PTPRU: variants seen among roughly 807,000 people sequenced by gnomAD.
The protein encoded by PTPRU is protein tyrosine phosphatase receptor type U, also known as receptor-type tyrosine-protein phosphatase U.
Under a neutral mutation model 166.3 loss-of-function variants are expected in PTPRU, and 69 were observed. The observed-to-expected ratio is 0.41, with a 90% CI of 0.34 to 0.51. The LOEUF is 0.51. PTPRU is among the 20% of genes least tolerant of loss of function. The probability of loss-of-function intolerance (pLI) is 0.09; values close to 1 mark genes in which losing one functional copy is unlikely to be tolerated. For synonymous variants in PTPRU, 793 were observed against 814.0 expected (o/e 0.97, Z 0.44); for missense variants, 1,657 against 2,013.7 (o/e 0.82, Z 3.39).
chr1:29,322,045 T>C (rs1688183892), intron 26 of PTPRU, among the ~76,000 whole-genome samples: 1 of 152,266 alleles, frequency 6.6e-6, no homozygotes, highest in African/African-American at 2.4e-5. Context: ...AACAGCTTCT[T>C]AATGGCCTCC....
At chr1:29,244,792 G>C (rs1243350494) in intron 1 of PTPRU, among the ~76,000 whole-genome samples, 2 of 152,188 alleles carry the variant, frequency 1.3e-5, no homozygotes, top group Non-Finnish European at 2.9e-5. Flanking sequence ...ATGTTTTATG[G>C]TTATGATTAT....
intron 13 of PTPRU, 108 bp from the exon 14 acceptor site, chr1:29,284,623 A>G (rs2151954765): frequency 6.8e-7 from 1 of 1,470,270 alleles, no homozygotes; most frequent in Non-Finnish European, 9.5e-7. Flanking sequence ...TTGAGGATGT[A>G]GGGCGGTTTG....
chr1:29,237,602 AGTT>A lies in PTPRU; in HGVS notation c.73+888_73+890del, dbSNP rs1363947749. ...GTGTGTGGCGCGCTGGGCCGGAACA[AGTT>A]GTCGCGGCGGCGCCCCCTGGGCTGC... On this transcript the variant is annotated intron_variant, in intron 1 of 29. Coordinates refer to ENST00000373779, the MANE Select transcript of PTPRU (RefSeq NM_133178.4). The surrounding 1 kb of genome is among the most constrained non-coding windows in gnomAD (Gnocchi z 6.4). Among the ~76,000 whole-genome samples, 2 of 151,032 alleles carry A rather than the reference AGTT, an allele frequency of 1.3e-5. No homozygotes were observed. Among genetic ancestry groups the A allele is most frequent in the Non-Finnish European group, 3.0e-5 (2 of 67,710 alleles).
intron 12 of PTPRU, chr1:29,283,702 G>C: frequency 1.9e-6 from 1 of 535,306 alleles, no homozygotes; most frequent in African/African-American, 1.9e-5. Context: ...TCCCCAAGAC[G>C]TTTGTTTCTC....
rs759393992 is a variant in PTPRU at position 29,315,498 on chromosome 1, C to A, written c.3354C>A (p.Ile1118=). The A allele has an allele frequency of 1.4e-5, 23 of 1,614,106 alleles. No homozygotes were observed. Among genetic ancestry groups the A allele is most frequent in the Non-Finnish European group, 1.8e-5 (21 of 1,180,014 alleles). The change falls in exon 23 of 30, where the codon ATC becomes ATA. Residue 1118 remains isoleucine, a synonymous_variant. Transcript: ENST00000373779. This position sits in a 1 kb window ranked among gnomAD's most constrained non-coding sequence, Gnocchi z 4.5. ...TCTGCTCCCGGCGTGTCAACATGATCCAGACTGAGGTGCGGGGACCTGGCC... is the reference window on the plus strand; with the variant it reads ...TCTGCTCCCGGCGTGTCAACATGATACAGACTGAGGTGCGGGGACCTGGCC... ...KTLCSRRVNM[I]QTEEQYIFIH...
intron 7 of PTPRU, among the ~76,000 whole-genome samples, chr1:29,266,489 T>G (rs1685308943): frequency 6.6e-6 from 1 of 152,172 alleles, no homozygotes; most frequent in South Asian, 2.1e-4. Context: ...CCTTGGATGG[T>G]AGGTCTAAAA....
rs997193190 is a variant in PTPRU at position 29,317,478 on chromosome 1, C to T, written c.3514-270C>T. Among the ~76,000 whole-genome samples the T allele has an allele frequency of 3.2e-4, 48 of 152,196 alleles. No homozygotes were observed. The highest frequency in any genetic ancestry group is 1.1e-3 in the African/African-American group (44 of 41,520). Reference sequence around the variant, plus strand: ...GCATATTACTTCCCTATTTCACAGTCGAGGAAACTGAGGCTGAGAGATGCA... The same window carrying T: ...GCATATTACTTCCCTATTTCACAGTTGAGGAAACTGAGGCTGAGAGATGCA... On this transcript the variant is annotated intron_variant, in intron 24 of 29. Transcript: ENST00000373779. This position sits in a 1 kb window ranked among gnomAD's most constrained non-coding sequence, Gnocchi z 5.6.
chr1:29,295,897 A>T (rs1239569414), intron 15 of PTPRU, among the ~76,000 whole-genome samples: 1 of 151,816 alleles, frequency 6.6e-6, no homozygotes, highest in Non-Finnish European at 1.5e-5. Flanking sequence ...CACCATGTTG[A>T]CCAGGCCAGT....
In PTPRU at chr1:29,326,045, C is replaced by T; in HGVS notation, c.*384C>T. On this transcript the variant is annotated 3_prime_UTR_variant, in exon 30 of 30. Transcript: ENST00000373779. The stretch of plus-strand genomic sequence containing the variant: ...GGGATGAGTGAGGCCCTGCAGAGAG[C>T]ATCCCAGGCCAAGGTTCCCACTCAG... The T allele has an allele frequency of 2.5e-6, 1 of 405,346 alleles. No homozygotes were observed. Among genetic ancestry groups the T allele is most frequent in the Non-Finnish European group, 4.3e-6 (1 of 231,124 alleles). The allele number at this position is 405,346 out of a possible 1,614,324, so 25.1% of individuals were successfully genotyped here.
intron 14 of PTPRU, among the ~76,000 whole-genome samples, chr1:29,286,540 C>T (rs1243527311): frequency 1.3e-5 from 2 of 152,138 alleles, no homozygotes; most frequent in Non-Finnish European, 2.9e-5. Flanking sequence ...GGTGCATAGG[C>T]AGTGCCCCCA....
chr1:29,283,668 C>G (rs547663093), intron 12 of PTPRU: 1 of 503,820 alleles, frequency 2.0e-6, no homozygotes, highest in South Asian at 2.7e-5. Flanking sequence ...AGGCCTCGCC[C>G]CGATGCCCGA....
rs1574624657 is a variant in PTPRU at position 29,260,490 on chromosome 1, T to G, written c.851-120T>G. ...AGAGCGGGTCTGGTTGAGGGCTTGG[T>G]AGCAGCGTGAGAGGCCCTAGGAGGA... On this transcript the variant is annotated intron_variant, in intron 6 of 29. Transcript: ENST00000373779. This position sits in a 1 kb window ranked among gnomAD's most constrained non-coding sequence, Gnocchi z 8.3. 1 of 771,228 alleles carries G rather than the reference T, an allele frequency of 1.3e-6. No homozygotes were observed. The highest frequency in any genetic ancestry group is 2.4e-5 in the South Asian group (1 of 42,496). The allele number at this position is 771,228 out of a possible 1,614,324, so 47.8% of individuals were successfully genotyped here. A position where few individuals can be genotyped will look rare whatever the true frequency, so the allele number is the denominator to read the frequency against.
chr1:29,239,704 C>T (rs960014958), intron 1 of PTPRU, among the ~76,000 whole-genome samples: 2 of 152,102 alleles, frequency 1.3e-5, no homozygotes, highest in African/African-American at 4.8e-5. Context: ...CCCCCTCCCC[C>T]CTTTTCCTAG....
intron 7 of PTPRU, among the ~76,000 whole-genome samples, chr1:29,269,441 A>G (rs1239304273): frequency 6.6e-6 from 1 of 151,078 alleles, no homozygotes; most frequent in Non-Finnish European, 1.5e-5. Flanking sequence ...TGCTGCCACC[A>G]TCATGGGCTG....
At chr1:29,300,926 G>A (rs56862981) in intron 15 of PTPRU, among the ~76,000 whole-genome samples, 37,481 of 152,076 alleles carry the variant, frequency 0.25, 5,817 homozygotes, top group East Asian at 0.63. Context: ...GCCAGGCACC[G>A]GAGAGGGTTC....
chr1:29,289,544 C>G (rs1686520797), intron 14 of PTPRU: 1 of 947,540 alleles, frequency 1.1e-6, no homozygotes, highest in Non-Finnish European at 1.6e-6. Context: ...TCCTCCTGAC[C>G]TGTTCAGTCC....
At chr1:29,318,668 C>T (rs1688007756) in intron 25 of PTPRU, among the ~76,000 whole-genome samples, 1 of 152,238 alleles carries the variant, frequency 6.6e-6, no homozygotes, top group Admixed American at 6.5e-5. Flanking sequence ...TGGGCCGCTC[C>T]TTCACCCCTC....
intron 26 of PTPRU, 32 bp from the exon 27 acceptor site, chr1:29,323,339 C>T: frequency 6.3e-7 from 1 of 1,598,132 alleles, no homozygotes; most frequent in Non-Finnish European, 8.5e-7. Flanking sequence ...CCAGGCTCTA[C>T]TCAGCTCTCC....
Position 29,271,501 on chromosome 1 carries a change from C to T in PTPRU, c.1145-3947C>T, listed in dbSNP as rs181647198. 1.6e-4 allele frequency among the ~76,000 whole-genome samples: 24 copies of T among 152,294 alleles called. No homozygotes were observed. In the East Asian group the frequency reaches 3.7e-3, roughly 23 times the overall value. On this transcript the variant is annotated intron_variant, in intron 7 of 29. Coordinates refer to ENST00000373779, the MANE Select transcript of PTPRU (RefSeq NM_133178.4). The surrounding 1 kb of genome is among the most constrained non-coding windows in gnomAD (Gnocchi z 4.4). The stretch of plus-strand genomic sequence containing the variant: ...GGCACAGTTGTCAAAGAATGAGATG[C>T]CTAAGTCTGAAGTTGGGAGTTTCAT...
Sources: gnomAD v4.1 joint callset for allele counts (sites outside exome capture counted in the v4.1 genomes callset) on GRCh38, gnomAD v4.1.1 for gene constraint, Gnocchi (gnomAD v3.1) non-coding constraint, MANE v1.5 for transcripts, NCBI Gene and HGNC (gene_info 2026-07-23, HGNC 2026-07-21) for gene names.